Variants in PTPN14 observed in about 807,000 individuals in gnomAD.
The protein encoded by PTPN14 is tyrosine-protein phosphatase non-receptor type 14.
PTPN14 carries 53 observed loss-of-function variants against 126.8 expected under a neutral mutation model. That is an observed-to-expected ratio of 0.42 (90% CI 0.34 to 0.53). The LOEUF (loss-of-function observed/expected upper bound fraction) is 0.53, where lower values mean the gene tolerates loss of function less well. Among genes scored for constraint, PTPN14 ranks in the 20% least tolerant of loss-of-function variants. The probability of loss-of-function intolerance (pLI) is 0.08; values close to 1 mark genes in which losing one functional copy is unlikely to be tolerated. For missense variants in PTPN14, 1,257 were observed against 1,552.9 expected, an observed-to-expected ratio of 0.81 and a Z score of 3.20; for synonymous variants, 630 against 599.3, an observed-to-expected ratio of 1.05 and a Z score of -0.75.
chr1:214,430,352 C>G (rs1220901495), intron 3 of PTPN14, among the ~76,000 whole-genome samples: 2 of 152,114 alleles, frequency 1.3e-5, no homozygotes, highest in African/African-American at 2.4e-5. Flanking sequence ...CTTCAAAGCC[C>G]CAATTCCAGG....
chr1:214,490,478 G>A (rs1045724856), intron 1 of PTPN14, among the ~76,000 whole-genome samples: 5 of 152,112 alleles, frequency 3.3e-5, no homozygotes, highest in East Asian at 3.9e-4. Flanking sequence ...ACAAACGAGT[G>A]TCTCTCATTG....
intron 12 of PTPN14, among the ~76,000 whole-genome samples, chr1:214,386,095 A>G (rs759176836): frequency 1.7e-4 from 26 of 152,202 alleles, no homozygotes; most frequent in Non-Finnish European, 3.2e-4. Flanking sequence ...ATTACAAGTT[A>G]CCGATTTTCA....
intron 1 of PTPN14, among the ~76,000 whole-genome samples, chr1:214,485,730 CT>C (rs572888987): frequency 1.4e-3 from 197 of 145,634 alleles, no homozygotes; most frequent in Non-Finnish European, 1.2e-3. Flanking sequence ...TTTTATATTT[CT>C]TTTTTTTTTT....
chr1:214,519,037 G>C (rs1431750606), intron 1 of PTPN14, among the ~76,000 whole-genome samples: 1 of 152,140 alleles, frequency 6.6e-6, no homozygotes, highest in Non-Finnish European at 1.5e-5. Context: ...GGGAGTCCAA[G>C]GCAAGCAGAT....
At chr1:214,454,296 A>C (rs980674420) in intron 2 of PTPN14, among the ~76,000 whole-genome samples, 8 of 152,212 alleles carry the variant, frequency 5.3e-5, no homozygotes, top group Non-Finnish European at 7.3e-5. Context: ...TATGGTCCAC[A>C]CTTCATTCAA....
At chr1:214,361,303 G>A (rs1348605349) in intron 18 of PTPN14, among the ~76,000 whole-genome samples, 1 of 152,140 alleles carries the variant, frequency 6.6e-6, no homozygotes, top group East Asian at 1.9e-4. Flanking sequence ...TATTTTCAAT[G>A]TTGTCACCAT....
At chr1:214,515,155 A>C (rs1655068652) in intron 1 of PTPN14, among the ~76,000 whole-genome samples, 1 of 152,210 alleles carries the variant, frequency 6.6e-6, no homozygotes, top group Non-Finnish European at 1.5e-5. Context: ...TCAGGAGAGA[A>C]ATCCCTCCGT....
Position 214,383,355 on chromosome 1 carries a change from A to G in PTPN14, c.2500T>C (p.Phe834Leu). The G allele has an allele frequency of 1.2e-6, 2 of 1,614,096 alleles. No individual in the cohort carries two copies. Among genetic ancestry groups the G allele is most frequent in the Non-Finnish European group, 1.7e-6 (2 of 1,179,992 alleles). ...PVKERPVSEM[F>L]SLEDSIIERE... Reference sequence around the variant, plus strand: ...TCTATAATGCTGTCTTCCAGGGAAAACATTTCAGACACAGGTCTCTCCTTC... The same window carrying G: ...TCTATAATGCTGTCTTCCAGGGAAAGCATTTCAGACACAGGTCTCTCCTTC... Residue 834 changes from phenylalanine to leucine, a missense_variant, in exon 13 of 19, where the codon TTT becomes CTT. Physicochemically the swap from Phe to Leu is conservative, Grantham distance 22 (BLOSUM62 0). Coordinates refer to ENST00000366956, the MANE Select transcript of PTPN14 (RefSeq NM_005401.5). This position sits in a 1 kb window ranked among gnomAD's most constrained non-coding sequence, Gnocchi z 4.4.
intron 1 of PTPN14, among the ~76,000 whole-genome samples, chr1:214,469,306 G>A (rs375876827): frequency 1.5e-4 from 23 of 152,146 alleles, no homozygotes; most frequent in African/African-American, 2.7e-4. Flanking sequence ...TCACACAGGC[G>A]TAGAGTTCCA....
intron 1 of PTPN14, among the ~76,000 whole-genome samples, chr1:214,549,346 G>A (rs1482532036): frequency 1.3e-5 from 2 of 152,014 alleles, no homozygotes; most frequent in African/African-American, 2.4e-5. Flanking sequence ...GCAAGATAGT[G>A]TTTTCTATTT....
chr1:214,443,347 C>T (rs1320894956), intron 3 of PTPN14, among the ~76,000 whole-genome samples: 2 of 152,094 alleles, frequency 1.3e-5, no homozygotes, highest in Non-Finnish European at 2.9e-5. Context: ...TACACCACCT[C>T]CCCAATTCCT....
chr1:214,406,887 G>A (rs1659184360), intron 5 of PTPN14, among the ~76,000 whole-genome samples: 1 of 152,122 alleles, frequency 6.6e-6, no homozygotes, highest in South Asian at 2.1e-4. Context: ...TAAAGGCAAC[G>A]TAATAAAGGC....
At chr1:214,456,686 A>C (rs1051196013) in intron 2 of PTPN14, among the ~76,000 whole-genome samples, 9 of 152,220 alleles carry the variant, frequency 5.9e-5, no homozygotes, top group Non-Finnish European at 1.3e-4. Flanking sequence ...ACTCACCTAG[A>C]ATACACAGAA....
chr1:214,365,696 C>A (rs1182043636), intron 17 of PTPN14, among the ~76,000 whole-genome samples: 1 of 152,208 alleles, frequency 6.6e-6, no homozygotes, highest in Non-Finnish European at 1.5e-5. Context: ...ATAATCCATA[C>A]TTTCCTTTAT....
chr1:214,437,888 T>C (rs1286686264), intron 3 of PTPN14, among the ~76,000 whole-genome samples: 1 of 152,204 alleles, frequency 6.6e-6, no homozygotes, highest in Non-Finnish European at 1.5e-5. Context: ...TTAACCAAAC[T>C]TAAATGATAA....
chr1:214,395,222 T>C (rs927113209), intron 8 of PTPN14, among the ~76,000 whole-genome samples: 7 of 152,252 alleles, frequency 4.6e-5, no homozygotes, highest in African/African-American at 7.2e-5. Context: ...ATAGTTTTCT[T>C]TGTGACTAGC....
intron 11 of PTPN14, among the ~76,000 whole-genome samples, chr1:214,388,223 T>C (rs566472530): frequency 6.6e-6 from 1 of 152,176 alleles, no homozygotes; most frequent in Non-Finnish European, 1.5e-5. Context: ...CGGTCTCAGT[T>C]TCCCGTCAGT....
intron 18 of PTPN14, among the ~76,000 whole-genome samples, chr1:214,362,041 G>A (rs1657968237): frequency 6.7e-6 from 1 of 149,196 alleles, no homozygotes; most frequent in Non-Finnish European, 1.5e-5. Flanking sequence ...CAGAAGCTGT[G>A]GAAAGAAGGC....
chr1:214,540,098 A>G (rs953668668), intron 1 of PTPN14, among the ~76,000 whole-genome samples: 3 of 152,180 alleles, frequency 2.0e-5, no homozygotes, highest in African/African-American at 7.2e-5. Context: ...TTACCTTTGA[A>G]TAAAAGAATA....
Sources: gnomAD v4.1 joint callset for allele counts (sites outside exome capture counted in the v4.1 genomes callset) on GRCh38, gnomAD v4.1.1 for gene constraint, Gnocchi (gnomAD v3.1) non-coding constraint, MANE v1.5 for transcripts, NCBI Gene and HGNC (gene_info 2026-07-23, HGNC 2026-07-21) for gene names.